The following ARHGEF10L variants were observed in gnomAD, a reference collection of about 807,000 sequenced individuals.
ARHGEF10L encodes the protein rho guanine nucleotide exchange factor 10-like protein.
ARHGEF10L carries 69 observed loss-of-function variants against 141.2 expected under a neutral mutation model. The observed-to-expected ratio is 0.49, with a 90% CI of 0.40 to 0.60. ARHGEF10L has a LOEUF of 0.60. Ranked by LOEUF, ARHGEF10L falls within the 20% of genes least tolerant of loss-of-function variation. ARHGEF10L has a pLI of 0.00. For missense variants in ARHGEF10L, 1,482 were observed against 1,734.3 expected (o/e 0.85, Z 2.58); for synonymous variants, 711 against 718.5 (o/e 0.99, Z 0.17).
chr1:17,645,532 T>C (rs531505970), intron 21 of ARHGEF10L, among the ~76,000 whole-genome samples: 14 of 151,952 alleles, frequency 9.2e-5, no homozygotes, highest in South Asian at 8.3e-4. Flanking sequence ...GGGTGAGGAA[T>C]TGGGGGTCCA....
rs567700528 is a variant in ARHGEF10L, at chr1:17,640,214, C to T, written c.2184C>T (p.Pro728=). The T allele has an allele frequency of 6.2e-7, 1 of 1,612,024 alleles. No homozygotes were observed. The highest frequency in any genetic ancestry group is 1.3e-5 in the African/African-American group (1 of 75,002). Residue 728 remains proline, a synonymous_variant, in exon 21 of 29, where the codon CCC becomes CCT. Coordinates refer to ENST00000361221, the MANE Select transcript of ARHGEF10L (RefSeq NM_018125.4). ...CTTCTCACCACAGGTCCGGCCGCCC[C>T]ATTAGCTTCATGGTGGTTTTCATCA... ...LPGKPDKSGR[P]ISFMVVFITP...
In ARHGEF10L at chr1:17,621,029, A is replaced by C. The variant is rs1019120090; in HGVS notation, c.943-835A>C. Among the ~76,000 whole-genome samples, 1 of 151,748 alleles carries C rather than the reference A, an allele frequency of 6.6e-6. No homozygotes were observed. The highest frequency in any genetic ancestry group is 2.4e-5 in the African/African-American group (1 of 41,286). Reference sequence around the variant, plus strand: ...GGCTGCAGCTGAGGGGTTGTGATCCACTCCGTGGGCCAGGCTTCTGGAGGG... The same window carrying C: ...GGCTGCAGCTGAGGGGTTGTGATCCCCTCCGTGGGCCAGGCTTCTGGAGGG... On this transcript the variant is annotated intron_variant, in intron 10 of 28. Coordinates refer to ENST00000361221, the MANE Select transcript of ARHGEF10L (RefSeq NM_018125.4). This position sits in a 1 kb window ranked among gnomAD's most constrained non-coding sequence, Gnocchi z 4.1.
intron 4 of ARHGEF10L, among the ~76,000 whole-genome samples, chr1:17,598,194 C>T (rs533882228): frequency 1.3e-5 from 2 of 151,950 alleles, no homozygotes; most frequent in African/African-American, 4.8e-5. Flanking sequence ...CTCCGCTTCC[C>T]GGGTTCAAGC....
chr1:17,656,716 C>A lies in ARHGEF10L; in HGVS notation c.2860+8C>A, dbSNP rs774834374. 1.9e-6 allele frequency: 3 copies of A among 1,608,378 alleles called. No individual in the cohort carries two copies. Among genetic ancestry groups the A allele is most frequent in the Non-Finnish European group, 2.5e-6 (3 of 1,177,160 alleles). The stretch of plus-strand genomic sequence containing the variant: ...CTTACCCTCGGACCAGCGGTGAGGA[C>A]TGGGGGGAATGGGGGAAGGGGGGCA... On this transcript the variant is annotated splice_region_variant and intron_variant, in intron 25 of 28. Coordinates refer to ENST00000361221, the MANE Select transcript of ARHGEF10L (RefSeq NM_018125.4). The surrounding 1 kb of genome is among the most constrained non-coding windows in gnomAD (Gnocchi z 4.9).
rs1412103089 is a variant in ARHGEF10L at position 17,697,565 on chromosome 1, T to G, written c.*185T>G. 1.3e-6 allele frequency: 1 copy of G among 786,126 alleles called. No individual in the cohort carries two copies. Among genetic ancestry groups the G allele is most frequent in the East Asian group, 2.7e-5 (1 of 36,902 alleles). 48.7% of individuals were successfully genotyped at this position (786,126 alleles called of 1,614,324 possible). ...TTTCAGAGTGTTTTGGGGAGGAGTT[T>G]TAGGGCTTGGGGAGAGGGAGGACAC... On this transcript the variant is annotated 3_prime_UTR_variant, in exon 29 of 29. Transcript: ENST00000361221. This position sits in a 1 kb window ranked among gnomAD's most constrained non-coding sequence, Gnocchi z 4.8.
chr1:17,626,595 A>T (rs181382733), intron 14 of ARHGEF10L, among the ~76,000 whole-genome samples: 1 of 152,110 alleles, frequency 6.6e-6, no homozygotes, highest in African/African-American at 2.4e-5. Flanking sequence ...GTGGGCTCTT[A>T]TGTAACCATA....
intron 1 of ARHGEF10L, among the ~76,000 whole-genome samples, chr1:17,560,720 C>A (rs900947193): frequency 6.6e-6 from 1 of 152,224 alleles, no homozygotes; most frequent in Non-Finnish European, 1.5e-5. Flanking sequence ...CATGCACCAC[C>A]ACACCCAGCT....
Position 17,558,612 on chromosome 1 carries a change from G to A in ARHGEF10L, c.-44+18662G>A, listed in dbSNP as rs2077431758. ...GGCTTTCAGGCCCTGGAAGGGTCTT[G>A]CCTTTGGGAAGGCAGGTCATCGTGG... On this transcript the variant is annotated intron_variant, in intron 1 of 28. Coordinates refer to ENST00000361221, the MANE Select transcript of ARHGEF10L (RefSeq NM_018125.4). This position sits in a 1 kb window ranked among gnomAD's most constrained non-coding sequence, Gnocchi z 4.2. Among the ~76,000 whole-genome samples the A allele has an allele frequency of 6.6e-6, 1 of 152,234 alleles. No individual in the cohort carries two copies. The highest frequency in any genetic ancestry group is 1.9e-4 in the East Asian group (1 of 5,194).
chr1:17,613,182 C>G lies in ARHGEF10L; in HGVS notation c.726+8C>G, dbSNP rs200098859. The stretch of plus-strand genomic sequence containing the variant: ...CACAAGTACGATTGTAAGGTATTGT[C>G]TGTCTGTCCCCTCAAGCCCTGGATG... On this transcript the variant is annotated splice_region_variant and intron_variant, in intron 8 of 28. Transcript: ENST00000361221. 14 of 1,606,484 alleles carry G rather than the reference C, an allele frequency of 8.7e-6. No individual in the cohort carries two copies. Among genetic ancestry groups the G allele is most frequent in the Non-Finnish European group, 1.2e-5 (14 of 1,173,810 alleles).
At chr1:17,611,517 G>T (rs2059546501) in intron 7 of ARHGEF10L, among the ~76,000 whole-genome samples, 1 of 151,736 alleles carries the variant, frequency 6.6e-6, no homozygotes, top group Non-Finnish European at 1.5e-5. Context: ...TATCACAGGT[G>T]CCTCATCTGT....
At chr1:17,612,879 G>A (rs78863952) in intron 7 of ARHGEF10L, among the ~76,000 whole-genome samples, 179 bp from the exon 8 acceptor site, 21 of 152,208 alleles carry the variant, frequency 1.4e-4, no homozygotes, top group African/African-American at 4.1e-4. Context: ...AGCAGATTCC[G>A]GGCAGGATCT....
the ARHGEF10L span, among the ~76,000 whole-genome samples, chr1:17,533,002 G>T: frequency 6.6e-6 from 1 of 152,122 alleles, no homozygotes; most frequent in African/African-American, 2.4e-5. Flanking sequence ...ACTCAGGAAT[G>T]CCCCCTTCAT....
At chr1:17,548,270 A>G (rs1203939342) in intron 1 of ARHGEF10L, among the ~76,000 whole-genome samples, 2 of 152,198 alleles carry the variant, frequency 1.3e-5, no homozygotes, top group Non-Finnish European at 2.9e-5. Flanking sequence ...GTTACTATAT[A>G]TATGTATTTT....
chr1:17,647,365 G>T (rs543670761), intron 21 of ARHGEF10L, among the ~76,000 whole-genome samples: 144 of 152,272 alleles, frequency 9.5e-4, no homozygotes, highest in African/African-American at 3.4e-3. Context: ...CATAGACGGC[G>T]GCGCTCAGTG....
chr1:17,636,827 G>T (rs1219122957), intron 18 of ARHGEF10L, among the ~76,000 whole-genome samples: 1 of 152,030 alleles, frequency 6.6e-6, no homozygotes, highest in Non-Finnish European at 1.5e-5. Flanking sequence ...ACTCCCCTGG[G>T]GCTTCATAAG....
chr1:17,631,298 C>T (rs912224537), intron 15 of ARHGEF10L, among the ~76,000 whole-genome samples: 6 of 152,108 alleles, frequency 3.9e-5, no homozygotes, highest in South Asian at 2.1e-4. Flanking sequence ...AGAAAAAAGA[C>T]GTTTTCCCAG....
upstream of ARHGEF10L, among the ~76,000 whole-genome samples, chr1:17,539,661 C>T (rs1179577514): frequency 6.7e-6 from 1 of 148,528 alleles, no homozygotes; most frequent in African/African-American, 2.4e-5. This position sits in a 1 kb window ranked among gnomAD's most constrained non-coding sequence, Gnocchi z 6.0. Context: ...TGACCTCAGC[C>T]GCGGCGCCCC....
chr1:17,677,106 C>G (rs2063772187), intron 26 of ARHGEF10L, among the ~76,000 whole-genome samples: 1 of 152,116 alleles, frequency 6.6e-6, no homozygotes, highest in Non-Finnish European at 1.5e-5. Flanking sequence ...AGGAGATGGG[C>G]AGAGGCAGTC....
Position 17,656,101 on chromosome 1 carries a change from A to G in ARHGEF10L, c.2704A>G (p.Ser902Gly). The change falls in exon 24 of 29, where the codon AGC becomes GGC. Residue 902 changes from serine to glycine, a missense_variant and splice_region_variant. Ser to Gly is a moderately conservative substitution (Grantham distance 56, BLOSUM62 0). Coordinates refer to ENST00000361221, the MANE Select transcript of ARHGEF10L (RefSeq NM_018125.4). The surrounding 1 kb of genome is among the most constrained non-coding windows in gnomAD (Gnocchi z 4.9). ...PTICLGLQDG[S>G]ILLYSSVDTG... is the part of the protein sequence containing the mutation. ...CATCTGCCTCGGGCTCCAGGATGGC[A>G]GGTGAGGGGCCCGGAAGGAGGGGTG... 1 of 1,550,872 alleles carries G rather than the reference A, an allele frequency of 6.4e-7. No individual in the cohort carries two copies. The highest frequency in any genetic ancestry group is 8.7e-7 in the Non-Finnish European group (1 of 1,147,606).
Sources: allele counts gnomAD v4.1 joint callset (sites outside exome capture counted in the v4.1 genomes callset), GRCh38; gene constraint gnomAD v4.1.1; non-coding constraint Gnocchi (gnomAD v3.1); transcripts MANE v1.5; gene names NCBI Gene and HGNC (gene_info 2026-07-23, HGNC 2026-07-21).